Variants in GLG1 observed in about 807,000 individuals in gnomAD.
GLG1 encodes the protein golgi glycoprotein 1, also known as Golgi apparatus protein 1.
Under a neutral mutation model 160.5 loss-of-function variants are expected in GLG1, and 38 were observed. The ratio of observed to expected loss-of-function variants is 0.24; its 90% CI spans 0.18 to 0.31. The LOEUF (loss-of-function observed/expected upper bound fraction) is 0.31, where lower values mean the gene tolerates loss of function less well. Ranked by LOEUF, GLG1 falls within the 10% of genes least tolerant of loss-of-function variation. The pLI is 1.00. For missense variants in GLG1, 1,373 were observed against 1,505.2 expected, an observed-to-expected ratio of 0.91 and a Z score of 1.45; for synonymous variants, 644 against 543.4, an observed-to-expected ratio of 1.19 and a Z score of -2.57.
intron 9 of GLG1, among the ~76,000 whole-genome samples, chr16:74,484,827 A>G (rs1807319973): frequency 6.6e-6 from 1 of 152,098 alleles, no homozygotes; most frequent in African/African-American, 2.4e-5. Flanking sequence ...TGTTGGTTAG[A>G]GGCTCATCTC....
At chr16:74,550,016 T>C (rs1399849470) in intron 1 of GLG1, among the ~76,000 whole-genome samples, 2 of 151,778 alleles carry the variant, frequency 1.3e-5, no homozygotes, top group African/African-American at 4.8e-5. Context: ...ACTTGGGAGG[T>C]TGAGAGGACA....
chr16:74,485,269 T>A (rs2015750228), intron 9 of GLG1, among the ~76,000 whole-genome samples: 1 of 152,260 alleles, frequency 6.6e-6, no homozygotes, highest in Non-Finnish European at 1.5e-5. Context: ...TACTTTAATA[T>A]AGCATTTATT....
chr16:74,493,238 G>A (rs1174440050), intron 6 of GLG1, 98 bp from the exon 7 acceptor site: 5 of 692,724 alleles, frequency 7.2e-6, no homozygotes, highest in Non-Finnish European at 7.4e-6. Context: ...CCAAGTACAT[G>A]TCAACAACTG....
At chr16:74,546,051 C>G (rs1443491984) in intron 1 of GLG1, among the ~76,000 whole-genome samples, 40 of 152,224 alleles carry the variant, frequency 2.6e-4, no homozygotes, top group Admixed American at 2.6e-3. Context: ...AGCTACATTA[C>G]TATAATTCTT....
chr16:74,456,806 G>A (rs763043863), intron 24 of GLG1, 51 bp from the exon 25 acceptor site: 7 of 1,118,716 alleles, frequency 6.3e-6, no homozygotes, highest in Non-Finnish European at 9.6e-6. Context: ...ACAGAATAGA[G>A]AAATTTCTGT....
intron 8 of GLG1, 87 bp downstream of exon 8, chr16:74,490,914 A>G (rs1192980112): frequency 5.6e-6 from 5 of 890,974 alleles, no homozygotes; most frequent in Admixed American, 3.7e-5. Context: ...CAGATGATCC[A>G]TATAAAGCAA....
chr16:74,478,477 T>C (rs2143294942), intron 11 of GLG1, among the ~76,000 whole-genome samples: 2 of 152,214 alleles, frequency 1.3e-5, no homozygotes, highest in Admixed American at 1.3e-4. Flanking sequence ...AAAGCCAGCA[T>C]ACCTGGGGCA....
chr16:74,536,334 T>A (rs561128992), intron 1 of GLG1, among the ~76,000 whole-genome samples: 1 of 152,182 alleles, frequency 6.6e-6, no homozygotes, highest in Non-Finnish European at 1.5e-5. Context: ...CTGAGGATTT[T>A]TTTTCTTCCT....
intron 2 of GLG1, among the ~76,000 whole-genome samples, chr16:74,521,437 T>C (rs1216797355): frequency 2.0e-5 from 3 of 152,012 alleles, no homozygotes; most frequent in East Asian, 3.9e-4. Flanking sequence ...ATCAGGGCAA[T>C]AGCAGTGAAA....
chr16:74,471,685 G>C lies in GLG1; in HGVS notation c.2116-399C>G, dbSNP rs149111367. Among the ~76,000 whole-genome samples the C allele has an allele frequency of 1.8e-3, 269 of 152,172 alleles. 1 individual carries two copies. The highest frequency in any genetic ancestry group is 6.4e-3 in the African/African-American group (264 of 41,500). ...AATATTGAGGTACTAGGAGACAGTT[G>C]GAAGAAGGAGCCACTATTACTGCTA... On this transcript the variant is annotated intron_variant, in intron 14 of 25. Coordinates refer to ENST00000422840, the MANE Select transcript of GLG1 (RefSeq NM_001145667.2).
In GLG1 at chr16:74,477,462, A is replaced by C. The variant is rs1340359383; in HGVS notation, c.1899T>G (p.Pro633=). The change falls in exon 12 of 26, where the codon CCT becomes CCG. Residue 633 remains proline, a synonymous_variant. Coordinates refer to ENST00000422840, the MANE Select transcript of GLG1 (RefSeq NM_001145667.2). Reference sequence around the variant, plus strand: ...CAATCAGGCACTTATCCTGGAGGGCAGGATCCAGCTTGACATCCATGGCAC... The same window carrying C: ...CAATCAGGCACTTATCCTGGAGGGCCGGATCCAGCTTGACATCCATGGCAC... ...HQRAMDVKLD[P]ALQDKCLIDL... The C allele has an allele frequency of 6.2e-7, 1 of 1,612,366 alleles. No homozygotes were observed. The highest frequency in any genetic ancestry group is 1.1e-5 in the South Asian group (1 of 91,046).
chr16:74,484,838 G>A (rs1405123604), intron 9 of GLG1, among the ~76,000 whole-genome samples: 6 of 151,902 alleles, frequency 3.9e-5, no homozygotes, highest in South Asian at 2.1e-4. Flanking sequence ...GGCTCATCTC[G>A]AACTCTGGAC....
At chr16:74,548,981 G>C (rs2143688600) in intron 1 of GLG1, among the ~76,000 whole-genome samples, 1 of 152,020 alleles carries the variant, frequency 6.6e-6, no homozygotes, top group East Asian at 1.9e-4. Flanking sequence ...GGGTGACAGA[G>C]ACTCCATCAC....
chr16:74,456,081 A>T (rs1244572388), intron 25 of GLG1, among the ~76,000 whole-genome samples: 1 of 152,124 alleles, frequency 6.6e-6, no homozygotes, highest in Non-Finnish European at 1.5e-5. Context: ...ACTGGCCTCA[A>T]ATATGTATTT....
intron 11 of GLG1, among the ~76,000 whole-genome samples, chr16:74,477,888 G>A (rs1029977937): frequency 3.3e-5 from 5 of 151,712 alleles, no homozygotes; most frequent in Non-Finnish European, 5.9e-5. Flanking sequence ...CAGAAGAATC[G>A]CTTGAACCCG....
chr16:74,571,384 T>C (rs2018822376), intron 1 of GLG1, among the ~76,000 whole-genome samples: 1 of 152,108 alleles, frequency 6.6e-6, no homozygotes. Flanking sequence ...CTTGAGTCAT[T>C]AAGTTTGGGA....
At chr16:74,460,775 G>A (rs141699630) in intron 22 of GLG1, among the ~76,000 whole-genome samples, 3 of 152,172 alleles carry the variant, frequency 2.0e-5, no homozygotes, top group Non-Finnish European at 4.4e-5. Context: ...TAAACACTGA[G>A]ACTTGAGTCA....
rs573460312 is a variant in GLG1 at position 74,506,145 on chromosome 16, T to C, written c.559-2399A>G. On this transcript the variant is annotated intron_variant, in intron 3 of 25. Coordinates refer to ENST00000422840, the MANE Select transcript of GLG1 (RefSeq NM_001145667.2). ...TAAGTTTGAAAAGTGAAAGGAGGAATAGATGCTTGAAAATCCCAGCACTTG... is the reference window on the plus strand; with the variant it reads ...TAAGTTTGAAAAGTGAAAGGAGGAACAGATGCTTGAAAATCCCAGCACTTG... Among the ~76,000 whole-genome samples, 10 of 134,446 alleles carry C rather than the reference T, an allele frequency of 7.4e-5. No homozygotes were observed. The East Asian group carries it at 1.4e-3, about 18-fold the overall frequency. 88.2% of individuals were successfully genotyped at this position (134,446 alleles called of 152,430 possible).
chr16:74,583,100 T>C (rs1035997454), intron 1 of GLG1, among the ~76,000 whole-genome samples: 1 of 152,020 alleles, frequency 6.6e-6, no homozygotes, highest in Admixed American at 6.6e-5. Context: ...TACCTATAAT[T>C]CCCTCCACAA....
Sources: gnomAD v4.1 joint callset for allele counts (sites outside exome capture counted in the v4.1 genomes callset) on GRCh38, gnomAD v4.1.1 for gene constraint, MANE v1.5 for transcripts, NCBI Gene and HGNC (gene_info 2026-07-23, HGNC 2026-07-21) for gene names.